RFC1: variants seen among roughly 807,000 people sequenced by gnomAD.
The protein encoded by RFC1 is A1 140 kDa subunit.
Under a neutral mutation model 137.4 loss-of-function variants are expected in RFC1, and 37 were observed. The ratio of observed to expected loss-of-function variants is 0.27; its 90% CI spans 0.21 to 0.35. The LOEUF (loss-of-function observed/expected upper bound fraction) is 0.35, where lower values mean the gene tolerates loss of function less well. Ranked by LOEUF, RFC1 falls within the 10% of genes least tolerant of loss-of-function variation. The pLI is 1.00. For synonymous variants in RFC1, 429 were observed against 455.7 expected (o/e 0.94, Z 0.75); for missense variants, 1,205 against 1,358.5 (o/e 0.89, Z 1.78).
At chr4:39,358,093 G>T (rs900499610) in intron 1 of RFC1, among the ~76,000 whole-genome samples, 2 of 152,062 alleles carry the variant, frequency 1.3e-5, no homozygotes, top group Admixed American at 1.3e-4. Flanking sequence ...TGACCAACAT[G>T]GAGAAACCCT....
rs1737499157 is a variant in RFC1 at position 39,288,652 on chromosome 4, C to T, written c.*109G>A. 1.4e-6 allele frequency: 1 copy of T among 721,222 alleles called. No homozygotes were observed. Among genetic ancestry groups the T allele is most frequent in the African/African-American group, 1.8e-5 (1 of 56,424 alleles). The allele number at this position is 721,222 out of a possible 1,614,324, so 44.7% of individuals were successfully genotyped here. Reference sequence around the variant, plus strand: ...ATTTATAATGGGACACCAGGTCATCCCATTATGCTAAAACATGGTTGCTCT... The same window carrying T: ...ATTTATAATGGGACACCAGGTCATCTCATTATGCTAAAACATGGTTGCTCT... On this transcript the variant is annotated 3_prime_UTR_variant, in exon 25 of 25. Transcript: ENST00000349703.
At chr4:39,330,738 C>G (rs936707923) in intron 4 of RFC1, among the ~76,000 whole-genome samples, 1 of 152,204 alleles carries the variant, frequency 6.6e-6, no homozygotes, top group African/African-American at 2.4e-5. Flanking sequence ...TTAAAACATA[C>G]TTGTTTCACT....
rs2306596 is a variant in RFC1, at chr4:39,342,320, C to A, written c.331+25G>T. 819,273 of 1,600,238 alleles carry A rather than the reference C, an allele frequency of 0.51. 217,605 individuals carry two copies. Among genetic ancestry groups the A allele is most frequent in the East Asian group, 0.64 (28,170 of 44,278 alleles). ...CTCAAGAACATAACACACACGGCAT[C>A]TCATATACCACAATGCAACCTTACC... On this transcript the variant is annotated intron_variant, in intron 4 of 24. Coordinates refer to ENST00000349703, the MANE Select transcript of RFC1 (RefSeq NM_002913.5).
chr4:39,343,170 G>A (rs1017357142), intron 3 of RFC1, among the ~76,000 whole-genome samples: 3 of 152,068 alleles, frequency 2.0e-5, no homozygotes, highest in African/African-American at 2.4e-5. Flanking sequence ...CTACAGGCGC[G>A]TGCCACCACG....
In RFC1 at chr4:39,306,851, C is replaced by T. The variant is rs17335222; in HGVS notation, c.1886-150G>A. The T allele has an allele frequency of 4.7e-3, 2,900 of 616,834 alleles. 14 individuals are homozygous for T. The highest frequency in any genetic ancestry group is 6.8e-3 in the South Asian group (344 of 50,538). The allele number at this position is 616,834 out of a possible 1,614,324, so 38.2% of individuals were successfully genotyped here. A position where few individuals can be genotyped will look rare whatever the true frequency, so the allele number is the denominator to read the frequency against. On this transcript the variant is annotated intron_variant, in intron 13 of 24. Transcript: ENST00000349703. Reference sequence around the variant, plus strand: ...CAGACTATTTTCTACAAAGCATAAACAAGTTTCCAGAGCATTCAGTGAAAT... The same window carrying T: ...CAGACTATTTTCTACAAAGCATAAATAAGTTTCCAGAGCATTCAGTGAAAT...
At chr4:39,342,590 AT>A in intron 3 of RFC1, 123 bp from the exon 4 acceptor site, 2 of 892,988 alleles carry the variant, frequency 2.2e-6, no homozygotes, top group Middle Eastern at 2.6e-4. Context: ...TCTTCTGTGA[AT>A]TCTCACAGGT....
chr4:39,344,826 C>T (rs1236393464), intron 3 of RFC1, among the ~76,000 whole-genome samples: 2 of 152,016 alleles, frequency 1.3e-5, no homozygotes, highest in African/African-American at 4.8e-5. Flanking sequence ...ATATCACATT[C>T]AAAATAAGTT....
intron 6 of RFC1, 129 bp downstream of exon 6, chr4:39,326,433 AG>A: frequency 1.6e-6 from 1 of 626,080 alleles, no homozygotes; most frequent in Non-Finnish European, 2.7e-6. Context: ...ATAGAAATTT[AG>A]ATTTTCATTT....
chr4:39,289,547 T>C (rs919090121), intron 24 of RFC1: 3 of 269,346 alleles, frequency 1.1e-5, no homozygotes, highest in Non-Finnish European at 2.1e-5. Context: ...ACTGTTTTGT[T>C]ACAAACATTT....
At chr4:39,327,878 T>C in intron 4 of RFC1, 122 bp from the exon 5 acceptor site, 3 of 750,920 alleles carry the variant, frequency 4.0e-6, no homozygotes, top group Non-Finnish European at 6.3e-6. Context: ...ATGCTTGTAA[T>C]CCCAGCACTT....
At chr4:39,363,614 C>CTT (rs1741866142) in intron 1 of RFC1, among the ~76,000 whole-genome samples, 3 of 152,198 alleles carry the variant, frequency 2.0e-5, no homozygotes, top group Admixed American at 2.0e-4. Context: ...AGGCCAGGCA[C>CTT]AGTGGTTCAT....
rs987976934 is a variant in RFC1 at position 39,342,442 on chromosome 4, C to T, written c.234G>A (p.Gln78=). ...DSDSESEETL[Q]VKNAKKPPEK... is the part of the protein sequence containing the mutation. ...CTGGTGGCTTTTTGGCATTTTTTAC[C>T]TGCAACGTCTCCTCTGACTCTGAAT... is the stretch of plus-strand genomic sequence containing the variant. The change falls in exon 4 of 25, where the codon CAG becomes CAA. Residue 78 remains glutamine, a synonymous_variant. Coordinates refer to ENST00000349703, the MANE Select transcript of RFC1 (RefSeq NM_002913.5). The T allele has an allele frequency of 1.2e-6, 2 of 1,613,018 alleles. No individual in the cohort carries two copies. The highest frequency in any genetic ancestry group is 1.7e-6 in the Non-Finnish European group (2 of 1,179,358).
At chr4:39,303,875 C>G (rs764734129) in intron 15 of RFC1, among the ~76,000 whole-genome samples, 23 of 152,184 alleles carry the variant, frequency 1.5e-4, no homozygotes, top group Non-Finnish European at 3.4e-4. Context: ...ACTTAATCAC[C>G]ATTAATGAAA....
At chr4:39,324,026 G>A (rs1739646158) in intron 6 of RFC1, among the ~76,000 whole-genome samples, 1 of 152,134 alleles carries the variant, frequency 6.6e-6, no homozygotes, top group South Asian at 2.1e-4. Context: ...AGTTATCTCA[G>A]TTATTTCAAA....
chr4:39,333,208 G>T (rs932852321), intron 4 of RFC1, among the ~76,000 whole-genome samples: 1 of 151,922 alleles, frequency 6.6e-6, no homozygotes, highest in African/African-American at 2.4e-5. Flanking sequence ...TGACCCTATG[G>T]GTAGCCATAT....
intron 10 of RFC1, among the ~76,000 whole-genome samples, chr4:39,313,440 T>G (rs1387649835): frequency 6.6e-6 from 1 of 152,238 alleles, no homozygotes; most frequent in Non-Finnish European, 1.5e-5. Flanking sequence ...CTTATCATTT[T>G]CAAATACTTC....
intron 4 of RFC1, among the ~76,000 whole-genome samples, chr4:39,340,659 G>A (rs1027193763): frequency 2.0e-5 from 3 of 152,056 alleles, no homozygotes; most frequent in East Asian, 3.9e-4. Context: ...ATTTTATTAT[G>A]CCAATCTTAT....
In RFC1 at chr4:39,291,650, G is replaced by A; in HGVS notation, c.3157C>T (p.Leu1053=). The change falls in exon 23 of 25, where the codon CTG becomes TTG. Residue 1053 remains leucine, a synonymous_variant. Coordinates refer to ENST00000349703, the MANE Select transcript of RFC1 (RefSeq NM_002913.5). The part of the protein sequence containing the change: ...WGGKPSPFSK[L]DPKVKAAFTR... ...GTGACATGATTTACCTTGGGATCCA[G>A]CTTTGAAAAGGGACTAGGTTTGCCA... The A allele has an allele frequency of 1.2e-6, 2 of 1,612,208 alleles. No individual in the cohort carries two copies. The highest frequency in any genetic ancestry group is 1.7e-6 in the Non-Finnish European group (2 of 1,178,258).
At chr4:39,295,129 A>ACATT (rs1388870704) in intron 22 of RFC1, among the ~76,000 whole-genome samples, 3 of 152,228 alleles carry the variant, frequency 2.0e-5, no homozygotes, top group African/African-American at 7.2e-5. Context: ...TTTTCCAAGC[A>ACATT]CATTCATTTT....
Sources: allele counts gnomAD v4.1 joint callset (sites outside exome capture counted in the v4.1 genomes callset), GRCh38; gene constraint gnomAD v4.1.1; transcripts MANE v1.5; gene names NCBI Gene and HGNC (gene_info 2026-07-23, HGNC 2026-07-21).